The following ZNF519 variants were observed in gnomAD, a reference collection of about 807,000 sequenced individuals.
The protein encoded by ZNF519 is similar to Zinc finger protein 85 (Zinc finger protein HPF4) (HTF1).
A neutral mutation model predicts 7.4 loss-of-function variants in ZNF519; 7 were observed. The observed-to-expected ratio is 0.94, with a 90% confidence interval of 0.54 to 1.77. The LOEUF is 1.77. Ranked by LOEUF, ZNF519 falls within the 40% of genes most tolerant of loss-of-function variation. ZNF519 has a pLI of 0.00. For missense variants in ZNF519, 586 were observed against 623.1 expected, an observed-to-expected ratio of 0.94 and a Z score of 0.63; for synonymous variants, 179 against 203.3, an observed-to-expected ratio of 0.88 and a Z score of 1.02.
At chr18:14,076,223 GTTTTTAAAA>G (rs966251063) in exon 5 of ZNF519, 16 of 151,938 alleles carry the variant, frequency 1.1e-4, no homozygotes, top group Admixed American at 9.2e-4. Flanking sequence ...ATTTTGTCAG[GTTTTTAAAA>G]ATGGTTGTAT....
chr18:14,096,466 C>A (rs2046137302), downstream of ZNF519, among the ~76,000 whole-genome samples: 1 of 152,162 alleles, frequency 6.6e-6, no homozygotes, highest in Non-Finnish European at 1.5e-5. Context: ...CTTTCAAAGA[C>A]ACTCTTCTGA....
rs2046061219 is a variant in ZNF519, at chr18:14,079,309, G to T, written c.*178-1011C>A. ...GATATACCATGCTCATAGATAGGAA[G>T]ACAATATTGTCTAGATGGCAGTTTT... On this transcript the variant is annotated intron_variant and NMD_transcript_variant, in intron 3 of 4. Transcript: ENST00000587419. Among the ~76,000 whole-genome samples the T allele has an allele frequency of 2.0e-5, 3 of 152,188 alleles. No individual in the cohort carries two copies. In the South Asian group the frequency reaches 6.2e-4, roughly 32 times the overall value.
At chr18:14,090,878 C>G (rs886409928) in intron 2 of ZNF519, 3 of 152,226 alleles carry the variant, frequency 2.0e-5, no homozygotes, top group African/African-American at 7.2e-5. Context: ...ATTGAAACAT[C>G]ATCAAAGTAC....
At chr18:14,109,285 T>C (rs142317842) in intron 2 of ZNF519, among the ~76,000 whole-genome samples, 11 of 152,128 alleles carry the variant, frequency 7.2e-5, no homozygotes, top group Non-Finnish European at 1.3e-4. Context: ...AACACCCCAC[T>C]TTCAGCATTG....
chr18:14,115,745 G>A (rs1485371231), intron 2 of ZNF519, among the ~76,000 whole-genome samples: 1 of 152,102 alleles, frequency 6.6e-6, no homozygotes, highest in Non-Finnish European at 1.5e-5. Flanking sequence ...AGAAAATGTT[G>A]TTATATTCAC....
chr18:14,083,639 G>A (rs927005107), intron 3 of ZNF519, among the ~76,000 whole-genome samples: 4 of 152,040 alleles, frequency 2.6e-5, no homozygotes, highest in Non-Finnish European at 1.5e-5. Context: ...GCCAGGTGCA[G>A]AGGCTCACAC....
At chr18:14,095,608 A>G (rs1306803685), downstream of ZNF519, among the ~76,000 whole-genome samples, 1 of 152,218 alleles carries the variant, frequency 6.6e-6, no homozygotes, top group African/African-American at 2.4e-5. Flanking sequence ...CTGTGTCACC[A>G]GAGCTGCGGG....
At chr18:14,083,365 A>G (rs1352476547) in intron 3 of ZNF519, among the ~76,000 whole-genome samples, 2 of 152,120 alleles carry the variant, frequency 1.3e-5, no homozygotes, top group African/African-American at 2.4e-5. Flanking sequence ...CAAAACAAAA[A>G]AACAAACGAA....
At chr18:14,111,770 T>C (rs2046222206) in intron 2 of ZNF519, among the ~76,000 whole-genome samples, 1 of 152,084 alleles carries the variant, frequency 6.6e-6, no homozygotes. Context: ...ACAAGACATG[T>C]TGAGATCCAT....
chr18:14,088,907 T>C (rs549562207), intron 2 of ZNF519, among the ~76,000 whole-genome samples: 1 of 137,114 alleles, frequency 7.3e-6, no homozygotes, highest in South Asian at 2.5e-4. Flanking sequence ...AATAGTTTGA[T>C]TTTTTTAGGA....
intron 1 of ZNF519, among the ~76,000 whole-genome samples, chr18:14,130,966 C>T (rs1403484682): frequency 6.6e-6 from 1 of 152,130 alleles, no homozygotes; most frequent in Non-Finnish European, 1.5e-5. Context: ...GCACTCCCAT[C>T]CCTCAGTGTG....
Position 14,100,749 on chromosome 18 carries a change from T to C in ZNF519, c.*4168A>G, listed in dbSNP as rs2046156473. 1 of 152,150 alleles carries C rather than the reference T, an allele frequency of 6.6e-6. No individual in the cohort carries two copies. The highest frequency in any genetic ancestry group is 2.4e-5 in the African/African-American group (1 of 41,426). 9.4% of individuals were successfully genotyped at this position (152,150 alleles called of 1,614,324 possible). ...ATCTTCTGGTAGGTGAACCTACACA[T>C]GTAATAAAATTGCACAGAACACACA... On this transcript the variant is annotated 3_prime_UTR_variant, in exon 3 of 3. Coordinates refer to ENST00000590202, the MANE Select transcript of ZNF519 (RefSeq NM_145287.4).
intron 1 of ZNF519, among the ~76,000 whole-genome samples, chr18:14,129,947 T>A (rs996958025): frequency 6.6e-6 from 1 of 152,132 alleles, no homozygotes; most frequent in Admixed American, 6.5e-5. Context: ...AAGAGATGCA[T>A]AGGGCAAGAA....
downstream of ZNF519, among the ~76,000 whole-genome samples, chr18:14,095,711 C>T (rs747397955): frequency 2.0e-5 from 3 of 152,234 alleles, no homozygotes; most frequent in Non-Finnish European, 2.9e-5. Flanking sequence ...TGTTGGGTTT[C>T]ACCATGTCAA....
Position 14,103,690 on chromosome 18 carries a change from A to G in ZNF519, c.*1227T>C, listed in dbSNP as rs1280195733. 6.6e-6 allele frequency: 1 copy of G among 152,118 alleles called. No individual in the cohort carries two copies. Among genetic ancestry groups the G allele is most frequent in the Non-Finnish European group, 1.5e-5 (1 of 67,984 alleles). 9.4% of individuals were successfully genotyped at this position (152,118 alleles called of 1,614,324 possible). A position where few individuals can be genotyped will look rare whatever the true frequency, so the allele number is the denominator to read the frequency against. The stretch of plus-strand genomic sequence containing the variant: ...ACAAGTAATAACTTATGGAATCAAC[A>G]TTCTCCAAACTATTTGGAGTTTAAT... On this transcript the variant is annotated 3_prime_UTR_variant, in exon 3 of 3. Coordinates refer to ENST00000590202, the MANE Select transcript of ZNF519 (RefSeq NM_145287.4).
At position 14,102,712 on chromosome 18, in the gene ZNF519, A is replaced by C. The variant is rs1354370060; in HGVS notation, c.*2205T>G. On this transcript the variant is annotated 3_prime_UTR_variant, in exon 3 of 3. Transcript: ENST00000590202. ...TATTTTCTCATTACAAAACAACCTCACCTAAACTAATATACAACCAATTTT... is the reference window on the plus strand; with the variant it reads ...TATTTTCTCATTACAAAACAACCTCCCCTAAACTAATATACAACCAATTTT... The C allele has an allele frequency of 6.6e-6, 1 of 152,108 alleles. No individual in the cohort carries two copies. Among genetic ancestry groups the C allele is most frequent in the Non-Finnish European group, 1.5e-5 (1 of 68,008 alleles). The allele number at this position is 152,108 out of a possible 1,614,324, so 9.4% of individuals were successfully genotyped here.
downstream of ZNF519, chr18:14,071,160 T>C (rs548062600): frequency 2.6e-5 from 4 of 151,842 alleles, no homozygotes; most frequent in South Asian, 8.3e-4. Context: ...ATTTAATGAA[T>C]AATCCAAAAA....
downstream of ZNF519, chr18:14,072,637 T>C (rs752100772): frequency 2.0e-5 from 3 of 152,162 alleles, no homozygotes; most frequent in South Asian, 2.1e-4. Context: ...ATATATTCTC[T>C]AGGTTTAATC....
chr18:14,111,809 C>T (rs1372865394), intron 2 of ZNF519, among the ~76,000 whole-genome samples: 1 of 152,112 alleles, frequency 6.6e-6, no homozygotes, highest in Non-Finnish European at 1.5e-5. Context: ...AGAGAAAAGC[C>T]TGAAATCTGA....
Sources: gnomAD v4.1 joint callset for allele counts (sites outside exome capture counted in the v4.1 genomes callset) on GRCh38, gnomAD v4.1.1 for gene constraint, MANE v1.5 for transcripts, NCBI Gene and HGNC (gene_info 2026-07-23, HGNC 2026-07-21) for gene names.